ZNF385D: variants seen among roughly 807,000 people sequenced by gnomAD.
The protein encoded by ZNF385D is zinc finger protein 659.
Under a neutral mutation model 35.8 loss-of-function variants are expected in ZNF385D, and 15 were observed. The ratio of observed to expected loss-of-function variants is 0.42; its 90% CI spans 0.28 to 0.64. The LOEUF (loss-of-function observed/expected upper bound fraction) is 0.64, where lower values mean the gene tolerates loss of function less well. ZNF385D is among the 30% of genes least tolerant of loss of function. The pLI, the probability that ZNF385D is intolerant of heterozygous loss-of-function variation, is 0.23. For missense variants in ZNF385D, 474 were observed against 494.6 expected (o/e 0.96, Z 0.39); for synonymous variants, 212 against 186.8 (o/e 1.13, Z -1.10).
rs116706949 is a variant in ZNF385D at position 22,071,783 on chromosome 3, T to C, written c.325+97034A>G. Among the ~76,000 whole-genome samples the C allele has an allele frequency of 4.5e-3, 688 of 152,200 alleles. 5 individuals are homozygous for C. Among genetic ancestry groups the C allele is most frequent in the Non-Finnish European group, 8.1e-3 (549 of 67,984 alleles). ...ACAAGATTAGTAAAAGGCCTAAATCTAGTTTTCTCCTCCTGGCCATGCAGT... is the reference window on the plus strand; with the variant it reads ...ACAAGATTAGTAAAAGGCCTAAATCCAGTTTTCTCCTCCTGGCCATGCAGT... On this transcript the variant is annotated intron_variant, in intron 3 of 5. Coordinates refer to the ZNF385D transcript ENST00000494108.
intron 3 of ZNF385D, among the ~76,000 whole-genome samples, chr3:21,562,712 A>G (rs1348341543): frequency 6.6e-6 from 1 of 152,152 alleles, no homozygotes; most frequent in Middle Eastern, 3.2e-3. Context: ...GGAAAAGAGG[A>G]ACTAAAAAGC....
intron 3 of ZNF385D, among the ~76,000 whole-genome samples, chr3:21,852,474 AC>A (rs1296615180): frequency 6.6e-6 from 1 of 151,892 alleles, no homozygotes; most frequent in Non-Finnish European, 1.5e-5. Context: ...TATTGATTTT[AC>A]ATTACTTTTA....
intron 4 of ZNF385D, among the ~76,000 whole-genome samples, chr3:21,478,685 C>A (rs1324097342): frequency 1.3e-5 from 2 of 152,126 alleles, no homozygotes; most frequent in African/African-American, 4.8e-5. Context: ...CAGAAAGAAT[C>A]AGATACTTGA....
chr3:21,805,617 A>C (rs2072606541), intron 3 of ZNF385D, among the ~76,000 whole-genome samples: 1 of 152,190 alleles, frequency 6.6e-6, no homozygotes, highest in Admixed American at 6.5e-5. Flanking sequence ...CATTTGTGAA[A>C]TAAAAAAGCA....
intron 3 of ZNF385D, among the ~76,000 whole-genome samples, chr3:21,946,337 A>G (rs971036683): frequency 1.1e-4 from 16 of 152,308 alleles, no homozygotes; most frequent in Admixed American, 5.2e-4. Flanking sequence ...TCAATGCTGT[A>G]TATCATGTAC....
chr3:21,849,938 C>A (rs1371391261), intron 3 of ZNF385D, among the ~76,000 whole-genome samples: 1 of 151,876 alleles, frequency 6.6e-6, no homozygotes, highest in Non-Finnish European at 1.5e-5. Context: ...GGGATAGGGT[C>A]TCACTATGTT....
At chr3:22,101,947 T>C (rs1366339489) in intron 3 of ZNF385D, among the ~76,000 whole-genome samples, 1 of 151,372 alleles carries the variant, frequency 6.6e-6, no homozygotes, top group Non-Finnish European at 1.5e-5. Context: ...ATTGGGCTTC[T>C]ACAGAGTCCA....
chr3:21,983,299 T>C (rs1430004934), intron 3 of ZNF385D, among the ~76,000 whole-genome samples: 133 of 134,704 alleles, frequency 9.9e-4, no homozygotes, highest in African/African-American at 3.5e-3. Flanking sequence ...TATCTCCCAA[T>C]GCTATCCCTC....
At chr3:22,180,922 T>C (rs1010767309) in intron 2 of ZNF385D, among the ~76,000 whole-genome samples, 1 of 146,450 alleles carries the variant, frequency 6.8e-6, no homozygotes, top group African/African-American at 2.7e-5. Context: ...TTCTTTTTTT[T>C]TTTTTTTTAA....
chr3:22,176,686 A>G (rs1016470067), intron 2 of ZNF385D, among the ~76,000 whole-genome samples: 4 of 152,196 alleles, frequency 2.6e-5, no homozygotes, highest in Non-Finnish European at 5.9e-5. Context: ...TTTAAGCAGT[A>G]GACTTTTTAG....
At chr3:21,622,675 TTC>T (rs1288790227) in intron 2 of ZNF385D, among the ~76,000 whole-genome samples, 1 of 152,094 alleles carries the variant, frequency 6.6e-6, no homozygotes, top group Non-Finnish European at 1.5e-5. Context: ...ATCCATATAG[TTC>T]AAGAAGTCTT....
At chr3:22,262,248 A>G (rs1700669938) in intron 2 of ZNF385D, among the ~76,000 whole-genome samples, 3 of 151,890 alleles carry the variant, frequency 2.0e-5, no homozygotes, top group African/African-American at 4.8e-5. Context: ...ATTCTGTGAG[A>G]ATCTTTGCAT....
intron 2 of ZNF385D, among the ~76,000 whole-genome samples, chr3:22,340,954 G>C (rs567475832): frequency 6.6e-6 from 1 of 152,196 alleles, no homozygotes; most frequent in South Asian, 2.1e-4. Context: ...CATATTATCA[G>C]GTCAATGGCG....
chr3:22,335,015 T>A (rs1695100968), intron 2 of ZNF385D, among the ~76,000 whole-genome samples: 1 of 152,218 alleles, frequency 6.6e-6, no homozygotes, highest in Non-Finnish European at 1.5e-5. Flanking sequence ...AGTAGCATTC[T>A]ATGAGCCAAG....
chr3:21,662,969 A>G (rs1028368287), intron 2 of ZNF385D, among the ~76,000 whole-genome samples: 2 of 152,194 alleles, frequency 1.3e-5, no homozygotes, highest in African/African-American at 2.4e-5. Context: ...GTATTATATT[A>G]TTAGTCCCAT....
chr3:21,632,508 C>T (rs1332244205), intron 2 of ZNF385D, among the ~76,000 whole-genome samples: 1 of 152,014 alleles, frequency 6.6e-6, no homozygotes, highest in African/African-American at 2.4e-5. Context: ...CAATTCAAAA[C>T]AATTCTGCAT....
At position 22,032,296 on chromosome 3, in the gene ZNF385D, A is replaced by G. The variant is rs73137168; in HGVS notation, c.325+136521T>C. Among the ~76,000 whole-genome samples the G allele has an allele frequency of 4.6e-5, 7 of 152,186 alleles. No homozygotes were observed. The South Asian group carries it at 1.4e-3, about 31-fold the overall frequency. ...TATACCAGGCTGGGGAGGACTCAGG[A>G]AACTTGCAATTGTGGTGGAAGGCAA... is the stretch of plus-strand genomic sequence containing the variant. On this transcript the variant is annotated intron_variant, in intron 3 of 5. Transcript: ENST00000494108.
At chr3:21,863,268 C>T (rs896614256) in intron 3 of ZNF385D, among the ~76,000 whole-genome samples, 8 of 152,008 alleles carry the variant, frequency 5.3e-5, no homozygotes, top group East Asian at 3.9e-4. Context: ...TTGTCTCATT[C>T]GTTTAAATTT....
intron 4 of ZNF385D, among the ~76,000 whole-genome samples, chr3:21,471,153 C>G (rs1400723830): frequency 6.6e-6 from 1 of 152,094 alleles, no homozygotes; most frequent in Non-Finnish European, 1.5e-5. Context: ...GCGTTATGCC[C>G]AAATTATCTT....
Sources: allele counts gnomAD v4.1 joint callset (sites outside exome capture counted in the v4.1 genomes callset), GRCh38; gene constraint gnomAD v4.1.1; transcripts MANE v1.5; gene names NCBI Gene and HGNC (gene_info 2026-07-23, HGNC 2026-07-21).